The following SOX5 variants were observed in gnomAD, a reference collection of about 807,000 sequenced individuals.
SOX5 encodes the protein SRY-box transcription factor 5.
SOX5 carries 9 observed loss-of-function variants against 92.0 expected under a neutral mutation model. The ratio of observed to expected loss-of-function variants is 0.10; its 90% CI spans 0.06 to 0.17. The LOEUF (loss-of-function observed/expected upper bound fraction) is 0.17, where lower values mean the gene tolerates loss of function less well. Among genes scored for constraint, SOX5 ranks in the 10% least tolerant of loss-of-function variants. SOX5 has a pLI of 1.00. For missense variants in SOX5, 642 were observed against 944.5 expected (o/e 0.68, Z 4.20); for synonymous variants, 344 against 336.3 (o/e 1.02, Z -0.25).
rs140877494 is a variant in SOX5 at position 23,949,603 on chromosome 12, C to A, written c.-2G>T. 2 of 1,613,586 alleles carry A rather than the reference C, an allele frequency of 1.2e-6. No homozygotes were observed. The highest frequency in any genetic ancestry group is 2.7e-5 in the African/African-American group (2 of 74,908). ...AGGTAAATCAGGGTCAGTAAGCATG[C>A]TGGAAAAGCACAATTTCCCTTTGTC... is the stretch of plus-strand genomic sequence containing the variant. On this transcript the variant is annotated 5_prime_UTR_variant, in exon 1 of 15. Coordinates refer to ENST00000451604, the MANE Select transcript of SOX5 (RefSeq NM_006940.6).
intron 1 of SOX5, among the ~76,000 whole-genome samples, chr12:24,506,782 G>GTTTTTTTTTTT (rs1386116375): frequency 1.6e-4 from 13 of 80,268 alleles, no homozygotes; most frequent in Non-Finnish European, 1.7e-4. Context: ...TATCCAAATG[G>GTTTTTTTTTTT]TCTTTTTTTT....
At chr12:23,775,261 G>C (rs1487609476) in intron 3 of SOX5, among the ~76,000 whole-genome samples, 56 of 152,278 alleles carry the variant, frequency 3.7e-4, no homozygotes, top group Non-Finnish European at 5.9e-5. Context: ...TGGTGCTGTG[G>C]TTTATATAAT....
At chr12:23,717,390 G>C (rs552241232) in intron 6 of SOX5, among the ~76,000 whole-genome samples, 1 of 152,028 alleles carries the variant, frequency 6.6e-6, no homozygotes, top group Non-Finnish European at 1.5e-5. Flanking sequence ...ACAACTTTCT[G>C]TCAGCCCTCA....
At chr12:24,235,680 T>C (rs748040068) in intron 3 of SOX5, among the ~76,000 whole-genome samples, 13 of 152,208 alleles carry the variant, frequency 8.5e-5, no homozygotes, top group Non-Finnish European at 1.9e-4. Flanking sequence ...TTTATGAATT[T>C]CATTATAACT....
chr12:24,379,667 G>C (rs1957620955), intron 1 of SOX5, among the ~76,000 whole-genome samples: 1 of 152,018 alleles, frequency 6.6e-6, no homozygotes. Context: ...CAAGAGAAAG[G>C]GATCAAGCCC....
chr12:23,835,808 T>C (rs1196691717), intron 3 of SOX5, among the ~76,000 whole-genome samples: 2 of 151,808 alleles, frequency 1.3e-5, no homozygotes, highest in African/African-American at 4.8e-5. Context: ...TAGATTCTAG[T>C]CTAAGGTTGA....
At chr12:23,845,330 T>G (rs1006818332) in intron 3 of SOX5, among the ~76,000 whole-genome samples, 3 of 152,218 alleles carry the variant, frequency 2.0e-5, no homozygotes, top group Non-Finnish European at 2.9e-5. Context: ...CAATTATGCA[T>G]AAGTTTGTAC....
chr12:23,590,835 G>C (rs370055189), intron 9 of SOX5, among the ~76,000 whole-genome samples: 2 of 152,034 alleles, frequency 1.3e-5, no homozygotes, highest in African/African-American at 4.8e-5. Flanking sequence ...TATAAACAAC[G>C]TATTGCTTTG....
At chr12:24,406,348 C>T (rs936009451) in intron 1 of SOX5, among the ~76,000 whole-genome samples, 1 of 152,116 alleles carries the variant, frequency 6.6e-6, no homozygotes, top group African/African-American at 2.4e-5. Flanking sequence ...TCGGAGGGGC[C>T]ATGAAAGTCT....
chr12:23,809,136 C>T (rs1459640679), intron 3 of SOX5, among the ~76,000 whole-genome samples: 1 of 152,030 alleles, frequency 6.6e-6, no homozygotes, highest in African/African-American at 2.4e-5. Context: ...CGTACACACA[C>T]AAACTGATAT....
intron 4 of SOX5, among the ~76,000 whole-genome samples, chr12:24,181,790 TAAG>T (rs999254751): frequency 1.3e-5 from 2 of 152,134 alleles, no homozygotes; most frequent in Non-Finnish European, 2.9e-5. Context: ...ATCCCTTTAA[TAAG>T]GTAATAAGGA....
intron 1 of SOX5, among the ~76,000 whole-genome samples, chr12:24,421,919 C>T (rs138657397): frequency 2.5e-4 from 38 of 152,272 alleles, no homozygotes; most frequent in Admixed American, 9.2e-4. Flanking sequence ...TTAATATCAC[C>T]GGCCTTCATC....
intron 4 of SOX5, among the ~76,000 whole-genome samples, chr12:24,149,666 T>C (rs1411091215): frequency 6.6e-6 from 1 of 152,166 alleles, no homozygotes; most frequent in East Asian, 1.9e-4. Context: ...CCATTCTAGG[T>C]ATTTACTCAA....
At chr12:24,486,740 C>T (rs1946564733) in intron 1 of SOX5, among the ~76,000 whole-genome samples, 2 of 152,266 alleles carry the variant, frequency 1.3e-5, no homozygotes, top group South Asian at 2.1e-4. Context: ...TTAATGTGAC[C>T]CAACATCATT....
intron 2 of SOX5, among the ~76,000 whole-genome samples, chr12:24,347,469 A>C (rs1295917496): frequency 6.6e-6 from 1 of 152,150 alleles, no homozygotes; most frequent in East Asian, 1.9e-4. Flanking sequence ...GAGAACACTT[A>C]AAATCTACTC....
chr12:23,761,178 T>C (rs1227458216), intron 3 of SOX5, among the ~76,000 whole-genome samples: 1 of 152,142 alleles, frequency 6.6e-6, no homozygotes, highest in African/African-American at 2.4e-5. Flanking sequence ...ATTCATGCCA[T>C]AAAATAAGAA....
chr12:24,173,825 G>C (rs1954476949), intron 4 of SOX5, among the ~76,000 whole-genome samples: 1 of 152,130 alleles, frequency 6.6e-6, no homozygotes, highest in South Asian at 2.1e-4. Flanking sequence ...GGAATAAGAA[G>C]TTATCCCGGA....
intron 4 of SOX5, among the ~76,000 whole-genome samples, chr12:24,093,010 C>G (rs1187477119): frequency 1.3e-5 from 2 of 151,978 alleles, no homozygotes; most frequent in Non-Finnish European, 2.9e-5. Flanking sequence ...GCCATCTCAT[C>G]TTAAAAAATC....
intron 9 of SOX5, among the ~76,000 whole-genome samples, chr12:23,594,646 T>C (rs901005876): frequency 9.9e-5 from 15 of 152,122 alleles, no homozygotes; most frequent in African/African-American, 3.6e-4. Context: ...AGATAGAAAA[T>C]ATATCATTTA....
Sources: gnomAD v4.1 joint callset for allele counts (sites outside exome capture counted in the v4.1 genomes callset) on GRCh38, gnomAD v4.1.1 for gene constraint, MANE v1.5 for transcripts, NCBI Gene and HGNC (gene_info 2026-07-23, HGNC 2026-07-21) for gene names.